The following HIVEP2 variants were observed in gnomAD, a reference collection of about 807,000 sequenced individuals.
HIVEP2 encodes the protein transcription factor HIVEP2.
A neutral mutation model predicts 180.7 loss-of-function variants in HIVEP2; 14 were observed. The ratio of observed to expected loss-of-function variants is 0.08; its 90% CI spans 0.05 to 0.12. HIVEP2 has a LOEUF of 0.12. Among genes scored for constraint, HIVEP2 ranks in the 10% least tolerant of loss-of-function variants. HIVEP2 has a pLI of 1.00. For synonymous variants in HIVEP2, 1,184 were observed against 1,136.4 expected (o/e 1.04, Z -0.84); for missense variants, 2,579 against 3,008.5 (o/e 0.86, Z 3.34).
intron 2 of HIVEP2, among the ~76,000 whole-genome samples, chr6:142,789,684 T>C (rs1406721639): frequency 6.6e-6 from 1 of 152,204 alleles, no homozygotes; most frequent in African/African-American, 2.4e-5. Context: ...AGTCAATTAT[T>C]TTCCATTATC....
intron 2 of HIVEP2, among the ~76,000 whole-genome samples, chr6:142,824,693 G>C (rs2114842534): frequency 6.6e-6 from 1 of 152,196 alleles, no homozygotes; most frequent in South Asian, 2.1e-4. Context: ...TAACACAATG[G>C]CTCAGATCCA....
At chr6:142,835,734 G>C (rs1328851101) in intron 2 of HIVEP2, among the ~76,000 whole-genome samples, 6 of 152,106 alleles carry the variant, frequency 3.9e-5, no homozygotes, top group Non-Finnish European at 8.8e-5. Context: ...AGGGGTCTCT[G>C]GAATGTCCAC....
intron 7 of HIVEP2, 145 bp downstream of exon 7, chr6:142,764,654 T>A: frequency 1.5e-6 from 1 of 689,150 alleles, no homozygotes; most frequent in Non-Finnish European, 2.4e-6. Flanking sequence ...GATCACTTAC[T>A]TGAGGGAGAA....
intron 3 of HIVEP2, among the ~76,000 whole-genome samples, chr6:142,779,838 G>T (rs1562513668): frequency 6.6e-6 from 1 of 151,994 alleles, no homozygotes; most frequent in African/African-American, 2.4e-5. Context: ...ATATCATATA[G>T]TAAATGCATC....
intron 1 of HIVEP2, among the ~76,000 whole-genome samples, chr6:142,908,716 A>G (rs1404982622): frequency 6.6e-6 from 1 of 152,144 alleles, no homozygotes; most frequent in Non-Finnish European, 1.5e-5. Flanking sequence ...GACTGGGTTG[A>G]GAAGGGTGCT....
chr6:142,794,929 T>C (rs1776246562), intron 2 of HIVEP2, among the ~76,000 whole-genome samples: 1 of 152,190 alleles, frequency 6.6e-6, no homozygotes, highest in African/African-American at 2.4e-5. Context: ...TTTTAAACAA[T>C]GAATTAAAGA....
chr6:142,776,824 C>T (rs197506), intron 3 of HIVEP2, among the ~76,000 whole-genome samples: 15,344 of 152,118 alleles, frequency 0.1, 1,023 homozygotes, highest in Non-Finnish European at 0.15. Context: ...TGAGCCACCT[C>T]GCCTGGATGA....
chr6:142,816,438 C>T (rs906330740), intron 2 of HIVEP2, among the ~76,000 whole-genome samples: 1 of 152,066 alleles, frequency 6.6e-6, no homozygotes, highest in African/African-American at 2.4e-5. Context: ...TTATCCTATC[C>T]TATTTCAACT....
At chr6:142,818,696 A>AC (rs1776917172) in intron 2 of HIVEP2, among the ~76,000 whole-genome samples, 1 of 10,516 alleles carries the variant, frequency 9.5e-5, no homozygotes, top group African/African-American at 6.2e-4. Flanking sequence ...GAGAGACAAG[A>AC]AAGAAAGAAA....
intron 1 of HIVEP2, among the ~76,000 whole-genome samples, chr6:142,867,573 G>A (rs1776171776): frequency 2.0e-5 from 3 of 152,184 alleles, no homozygotes; most frequent in Non-Finnish European, 4.4e-5. Context: ...AGCAACAGCT[G>A]CAGCTGATAT....
chr6:142,850,103 C>T (rs1185857557), intron 1 of HIVEP2, among the ~76,000 whole-genome samples: 1 of 152,102 alleles, frequency 6.6e-6, no homozygotes, highest in Non-Finnish European at 1.5e-5. Flanking sequence ...AACTGTGAAG[C>T]AGTTGGGACA....
rs540849101 is a variant in HIVEP2, at chr6:142,796,116, T to C, written c.-527-12501A>G. Among the ~76,000 whole-genome samples the C allele has an allele frequency of 1.1e-4, 16 of 152,292 alleles. No homozygotes were observed. The South Asian group carries it at 3.3e-3, about 32-fold the overall frequency. On this transcript the variant is annotated intron_variant, in intron 2 of 9. Transcript: ENST00000367603. ...GATACTAATGAACAAAGCAGTTTTA[T>C]TGCTGAATAAGGAAACCCAAGCTGA...
intron 7 of HIVEP2, among the ~76,000 whole-genome samples, chr6:142,762,796 A>C (rs1775283447): frequency 6.6e-6 from 1 of 152,064 alleles, no homozygotes; most frequent in African/African-American, 2.4e-5. Context: ...TTGCTTTATT[A>C]TTTACTTATT....
intron 1 of HIVEP2, among the ~76,000 whole-genome samples, chr6:142,923,236 G>A (rs1288337991): frequency 6.6e-6 from 1 of 151,988 alleles, no homozygotes; most frequent in Non-Finnish European, 1.5e-5. Flanking sequence ...GGAGGCTGAG[G>A]TAGGGAATTG....
At chr6:142,897,387 C>T (rs1777027563) in intron 1 of HIVEP2, among the ~76,000 whole-genome samples, 1 of 152,236 alleles carries the variant, frequency 6.6e-6, no homozygotes. Context: ...ACCCCTAGGG[C>T]TGCATCTGCA....
intron 1 of HIVEP2, among the ~76,000 whole-genome samples, chr6:142,852,306 T>A (rs932867298): frequency 2.0e-5 from 3 of 152,220 alleles, no homozygotes; most frequent in African/African-American, 7.2e-5. Flanking sequence ...TCGCTTTTTT[T>A]AATAAAATGC....
intron 2 of HIVEP2, among the ~76,000 whole-genome samples, chr6:142,808,718 A>G (rs1248747013): frequency 7.5e-6 from 1 of 132,556 alleles, no homozygotes; most frequent in Non-Finnish European, 1.6e-5. Flanking sequence ...GGAGGAAAGG[A>G]TGGGGGAGGG....
chr6:142,772,585 G>A lies in HIVEP2; in HGVS notation c.2154C>T (p.Ser718=), dbSNP rs746946828. ...DTPMICSSIV[S]TPVGIMASDY... ...CGGAAGCCATGATGCCCACAGGAGTGCTTACAATGCTGCTGCAGATCATGG... is the reference window on the plus strand; with the variant it reads ...CGGAAGCCATGATGCCCACAGGAGTACTTACAATGCTGCTGCAGATCATGG... The change falls in exon 5 of 10, where the codon AGC becomes AGT. Residue 718 remains serine, a synonymous_variant. Transcript: ENST00000367603. The surrounding 1 kb of genome is among the most constrained non-coding windows in gnomAD (Gnocchi z 4.9). The A allele has an allele frequency of 6.2e-6, 10 of 1,614,222 alleles. No individual in the cohort carries two copies. The highest frequency in any genetic ancestry group is 8.5e-6 in the Non-Finnish European group (10 of 1,180,046).
intron 1 of HIVEP2, among the ~76,000 whole-genome samples, chr6:142,928,367 A>T (rs972426438): frequency 1.3e-5 from 2 of 152,204 alleles, no homozygotes; most frequent in African/African-American, 4.8e-5. Context: ...TTGGCACAGA[A>T]ATCATCTCGA....
Sources: gnomAD v4.1 joint callset for allele counts (sites outside exome capture counted in the v4.1 genomes callset) on GRCh38, gnomAD v4.1.1 for gene constraint, Gnocchi (gnomAD v3.1) non-coding constraint, MANE v1.5 for transcripts, NCBI Gene and HGNC (gene_info 2026-07-23, HGNC 2026-07-21) for gene names.